The following RBFOX3 variants were observed in gnomAD, a reference collection of about 807,000 sequenced individuals.
RBFOX3 encodes the protein RNA binding protein fox-1 homolog 3.
RBFOX3 carries 17 observed loss-of-function variants against 48.7 expected under a neutral mutation model. That is an observed-to-expected ratio of 0.35 (90% CI 0.24 to 0.52). The LOEUF is 0.52. Among genes scored for constraint, RBFOX3 ranks in the 20% least tolerant of loss-of-function variants. The pLI is 0.94. For missense variants in RBFOX3, 382 were observed against 497.5 expected (o/e 0.77, Z 2.21); for synonymous variants, 212 against 209.5 (o/e 1.01, Z -0.10).
chr17:79,187,812 G>C (rs1159526079), intron 4 of RBFOX3, among the ~76,000 whole-genome samples: 1 of 152,110 alleles, frequency 6.6e-6, no homozygotes, highest in Non-Finnish European at 1.5e-5. Context: ...CAGACACCAC[G>C]GGGCAAGGTC....
intron 3 of RBFOX3, among the ~76,000 whole-genome samples, chr17:79,280,842 G>C (rs571146129): frequency 4.4e-4 from 11 of 24,802 alleles, no homozygotes; most frequent in African/African-American, 9.8e-4. Context: ...GTCCCATTGT[G>C]GGGGGGGGGA....
intron 4 of RBFOX3, among the ~76,000 whole-genome samples, chr17:79,120,979 G>A (rs989971737): frequency 2.6e-5 from 4 of 151,846 alleles, no homozygotes; most frequent in African/African-American, 9.7e-5. Context: ...CCCTGCCATG[G>A]GCCAGGCACT....
At chr17:79,318,417 C>T (rs2077841622) in intron 2 of RBFOX3, among the ~76,000 whole-genome samples, 1 of 152,126 alleles carries the variant, frequency 6.6e-6, no homozygotes, top group African/African-American at 2.4e-5. Flanking sequence ...ATCTTCATAG[C>T]CACCACCCCT....
chr17:79,389,323 A>G (rs2061019238), intron 2 of RBFOX3, among the ~76,000 whole-genome samples: 1 of 152,166 alleles, frequency 6.6e-6, no homozygotes, highest in Non-Finnish European at 1.5e-5. Flanking sequence ...GAGATGCCCA[A>G]ATAAACAGTA....
rs575172931 is a variant in RBFOX3, at chr17:79,231,561, A to C, written c.-34+4205T>G. Reference sequence around the variant, plus strand: ...ATATAGAAAATCTGACGGAATTGACACAAAATCTACTAGAACTAGTAAATA... The same window carrying C: ...ATATAGAAAATCTGACGGAATTGACCCAAAATCTACTAGAACTAGTAAATA... On this transcript the variant is annotated intron_variant, in intron 4 of 14. Transcript: ENST00000693108. 1.9e-3 allele frequency among the ~76,000 whole-genome samples: 294 copies of C among 152,324 alleles called. 2 individuals carry two copies. Among genetic ancestry groups the C allele is most frequent in the African/African-American group, 6.4e-3 (268 of 41,558 alleles).
chr17:79,384,132 C>G (rs1267532533), intron 2 of RBFOX3, among the ~76,000 whole-genome samples: 1 of 152,176 alleles, frequency 6.6e-6, no homozygotes, highest in Non-Finnish European at 1.5e-5. Context: ...AGGGCTGTGG[C>G]CAGGTCAGGC....
At chr17:79,127,622 C>T (rs927046471) in intron 4 of RBFOX3, among the ~76,000 whole-genome samples, 11 of 152,138 alleles carry the variant, frequency 7.2e-5, no homozygotes, top group Non-Finnish European at 1.3e-4. Context: ...CAGGTGCCCC[C>T]GACCGGCGCC....
At chr17:79,330,504 C>T (rs2080093061) in intron 2 of RBFOX3, among the ~76,000 whole-genome samples, 1 of 152,046 alleles carries the variant, frequency 6.6e-6, no homozygotes, top group Non-Finnish European at 1.5e-5. Context: ...CCTGCAGATG[C>T]TTGAAATAGA....
chr17:79,501,469 T>C (rs2082375054), intron 1 of RBFOX3, among the ~76,000 whole-genome samples: 1 of 152,172 alleles, frequency 6.6e-6, no homozygotes, highest in Non-Finnish European at 1.5e-5. Flanking sequence ...CTGGGGTTGG[T>C]GGGGGAGGCC....
rs113958077 is a variant in RBFOX3, at chr17:79,429,523, C to A, written c.-175+52931G>T. ...GGCCAGGGTTTGTATATACAGTTGCCTCTCACTCAGTCCCTCACTAAGAAG... is the reference window on the plus strand; with the variant it reads ...GGCCAGGGTTTGTATATACAGTTGCATCTCACTCAGTCCCTCACTAAGAAG... On this transcript the variant is annotated intron_variant, in intron 2 of 14. Transcript: ENST00000693108. 3.0e-3 allele frequency among the ~76,000 whole-genome samples: 454 copies of A among 152,250 alleles called. 2 individuals are homozygous for A. Among genetic ancestry groups the A allele is most frequent in the Non-Finnish European group, 5.1e-3 (347 of 68,006 alleles).
chr17:79,387,525 G>A (rs1402742139), intron 2 of RBFOX3, among the ~76,000 whole-genome samples: 2 of 152,254 alleles, frequency 1.3e-5, no homozygotes, highest in African/African-American at 4.8e-5. Flanking sequence ...TTCACTGGAA[G>A]ATGGCTGGTA....
At chr17:79,656,830 A>AAAGAAAGAAAGAAAGAAAGAAGGAAAG in the RBFOX3 span, among the ~76,000 whole-genome samples, 1 of 140,670 alleles carries the variant, frequency 7.1e-6, no homozygotes, top group Admixed American at 7.0e-5. Flanking sequence ...AGAAAGAAAG[A>AAAGAAAGAAAGAAAGAAAGAAGGAAAG]AAAGAAAGAA....
chr17:79,147,076 G>A (rs749546303), intron 4 of RBFOX3, among the ~76,000 whole-genome samples: 7 of 152,240 alleles, frequency 4.6e-5, no homozygotes, highest in Non-Finnish European at 8.8e-5. Flanking sequence ...GTCAGCCCCC[G>A]GTGCCAGGTT....
At chr17:79,632,467 G>A in the RBFOX3 span, among the ~76,000 whole-genome samples, 6 of 152,096 alleles carry the variant, frequency 3.9e-5, no homozygotes, top group South Asian at 2.1e-4. Context: ...TGTGGTGCCA[G>A]GACCCCATGT....
the RBFOX3 span, among the ~76,000 whole-genome samples, chr17:79,663,965 G>T: frequency 7.9e-5 from 12 of 152,156 alleles, no homozygotes; most frequent in Admixed American, 2.0e-4. Context: ...AAGGACCAGG[G>T]AAGAGGGAAA....
At position 79,471,135 on chromosome 17, in the gene RBFOX3, T is replaced by A. The variant is rs2077008869; in HGVS notation, c.-175+11319A>T. 1.3e-5 allele frequency among the ~76,000 whole-genome samples: 2 copies of A among 152,182 alleles called. No homozygotes were observed. The highest frequency in any genetic ancestry group is 1.3e-4 in the Admixed American group (2 of 15,288). On this transcript the variant is annotated intron_variant, in intron 2 of 14. Coordinates refer to ENST00000693108, the MANE Select transcript of RBFOX3 (RefSeq NM_001350451.2). The surrounding 1 kb of genome is among the most constrained non-coding windows in gnomAD (Gnocchi z 4.0). ...CTGGCCTCAGTGACAATGCTTGACA[T>A]CCATAATGCAGAATGGAGGTGAGTC...
At chr17:79,622,066 T>A in the RBFOX3 span, among the ~76,000 whole-genome samples, 1 of 152,154 alleles carries the variant, frequency 6.6e-6, no homozygotes, top group Non-Finnish European at 1.5e-5. Flanking sequence ...AAAGTAGGGC[T>A]TTTCTAAGGT....
intron 2 of RBFOX3, among the ~76,000 whole-genome samples, chr17:79,312,391 A>AG: frequency 6.6e-6 from 1 of 152,002 alleles, no homozygotes; most frequent in East Asian, 1.9e-4. Context: ...GAGATGAGGA[A>AG]GGGGCTGTGG....
intron 3 of RBFOX3, among the ~76,000 whole-genome samples, chr17:79,304,621 A>T (rs2075842656): frequency 6.6e-6 from 1 of 152,154 alleles, no homozygotes; most frequent in Admixed American, 6.5e-5. Flanking sequence ...TTCCACAAAA[A>T]CATCTATTGC....
Sources: gnomAD v4.1 joint callset for allele counts (sites outside exome capture counted in the v4.1 genomes callset) on GRCh38, gnomAD v4.1.1 for gene constraint, Gnocchi (gnomAD v3.1) non-coding constraint, MANE v1.5 for transcripts, NCBI Gene and HGNC (gene_info 2026-07-23, HGNC 2026-07-21) for gene names.